Variants in SGK3 observed in about 807,000 individuals in gnomAD.
The protein encoded by SGK3 is serum/glucocorticoid regulated kinase family member 3.
SGK3 carries 47 observed loss-of-function variants against 68.5 expected under a neutral mutation model. The ratio of observed to expected loss-of-function variants is 0.69; its 90% CI spans 0.54 to 0.87. The LOEUF (loss-of-function observed/expected upper bound fraction) is 0.87. Ranked by LOEUF, SGK3 falls within the 40% of genes least tolerant of loss-of-function variation. The pLI is 0.00. For synonymous variants in SGK3, 181 were observed against 189.1 expected (o/e 0.96, Z 0.35); for missense variants, 479 against 575.5 (o/e 0.83, Z 1.72).
At chr8:66,750,235 A>G (rs1805773690) in intron 1 of SGK3, among the ~76,000 whole-genome samples, 1 of 152,104 alleles carries the variant, frequency 6.6e-6, no homozygotes, top group South Asian at 2.1e-4. Flanking sequence ...ACATATCTGG[A>G]AATGTTTTAC....
intron 1 of SGK3, among the ~76,000 whole-genome samples, chr8:66,750,727 G>C (rs1463792889): frequency 6.6e-6 from 1 of 151,332 alleles, no homozygotes; most frequent in Non-Finnish European, 1.5e-5. Flanking sequence ...ATGAGGTGCT[G>C]GGTGTGGTAG....
chr8:66,818,759 G>A (rs1216236397), intron 5 of SGK3, among the ~76,000 whole-genome samples: 1 of 152,194 alleles, frequency 6.6e-6, no homozygotes, highest in African/African-American at 2.4e-5. Context: ...CATTTCCATT[G>A]CTGTATAATG....
intron 1 of SGK3, among the ~76,000 whole-genome samples, chr8:66,747,268 A>G (rs1281088805): frequency 6.6e-6 from 1 of 152,100 alleles, no homozygotes; most frequent in South Asian, 2.1e-4. Context: ...TTATTCCCTA[A>G]CCTCATTTTA....
chr8:66,765,736 G>T (rs1039783793), intron 1 of SGK3, among the ~76,000 whole-genome samples: 1 of 151,810 alleles, frequency 6.6e-6, no homozygotes, highest in African/African-American at 2.4e-5. Context: ...AAAATATTTG[G>T]ATTTTGGCCA....
intron 1 of SGK3, among the ~76,000 whole-genome samples, chr8:66,744,519 ATTTTT>A (rs55684607): frequency 2.4e-4 from 5 of 21,266 alleles, no homozygotes; most frequent in African/African-American, 8.4e-4. Flanking sequence ...ATATATATAT[ATTTTT>A]TTTTTTTTTT....
intron 1 of SGK3, among the ~76,000 whole-genome samples, chr8:66,738,338 AC>A (rs1054200372): frequency 6.6e-6 from 1 of 152,048 alleles, no homozygotes; most frequent in African/African-American, 2.4e-5. Flanking sequence ...CTTAATTGTG[AC>A]ACCCCCCATT....
At chr8:66,738,828 C>T (rs181376186) in intron 1 of SGK3, among the ~76,000 whole-genome samples, 9 of 152,224 alleles carry the variant, frequency 5.9e-5, no homozygotes, top group African/African-American at 1.9e-4. Flanking sequence ...GACGGGGTTT[C>T]ACCATGTTAG....
At chr8:66,778,617 C>T (rs1435160428) in intron 1 of SGK3, among the ~76,000 whole-genome samples, 1 of 152,144 alleles carries the variant, frequency 6.6e-6, no homozygotes, top group East Asian at 1.9e-4. Flanking sequence ...TTTAAACAAA[C>T]ATGAACTTAA....
intron 4 of SGK3, among the ~76,000 whole-genome samples, chr8:66,811,316 C>A (rs192882064): frequency 6.6e-6 from 1 of 152,264 alleles, no homozygotes; most frequent in East Asian, 1.9e-4. Context: ...CTGCACCCAG[C>A]CTTTTTAAAA....
At chr8:66,763,955 A>G (rs536543094) in intron 1 of SGK3, among the ~76,000 whole-genome samples, 1 of 152,270 alleles carries the variant, frequency 6.6e-6, no homozygotes, top group Non-Finnish European at 1.5e-5. Flanking sequence ...CTGCGGCCTC[A>G]ACCATCAGGG....
rs1417405623 is a variant in SGK3 at position 66,717,043 on chromosome 8, A to AG, written c.-122+4210_-122+4211insG. Reference sequence around the variant, plus strand: ...AAACCCTGTCTCTACTAAAAAAAAAAAAAATACATAAATTAGCTGGGCATG... The same window carrying AG: ...AAACCCTGTCTCTACTAAAAAAAAAAGAAAATACATAAATTAGCTGGGCATG... On this transcript the variant is annotated intron_variant, in intron 1 of 16. Coordinates refer to ENST00000521198, the MANE Select transcript of SGK3 (RefSeq NM_001033578.3). Among the ~76,000 whole-genome samples, 117 of 151,978 alleles carry AG rather than the reference A, an allele frequency of 7.7e-4. 1 individual carries two copies. Among genetic ancestry groups the AG allele is most frequent in the Admixed American group, 4.0e-3 (61 of 15,260 alleles).
chr8:66,836,212 T>C (rs934464229), intron 10 of SGK3, 138 bp downstream of exon 10: 5 of 1,153,856 alleles, frequency 4.3e-6, no homozygotes, highest in Non-Finnish European at 6.0e-6. Context: ...ACTGGCTGAG[T>C]ACAGGATGTG....
rs576763764 is a variant in SGK3, at chr8:66,774,958, C to T, written c.-121-18658C>T. On this transcript the variant is annotated intron_variant, in intron 1 of 16. Coordinates refer to ENST00000521198, the MANE Select transcript of SGK3 (RefSeq NM_001033578.3). ...TCTCATTCCTTGCCCCCGCCCAAGG[C>T]TCTCTTCACCTTCCCCGCGGGGGTC... Among the ~76,000 whole-genome samples the T allele has an allele frequency of 2.3e-4, 35 of 152,356 alleles. 1 individual carries two copies. The highest frequency in any genetic ancestry group is 6.3e-4 in the African/African-American group (26 of 41,596).
intron 1 of SGK3, among the ~76,000 whole-genome samples, chr8:66,755,953 A>G (rs1805961183): frequency 1.3e-5 from 2 of 152,168 alleles, no homozygotes; most frequent in Non-Finnish European, 2.9e-5. Context: ...CCAAAGTGTG[A>G]TAGCCTGAAT....
chr8:66,837,618 A>G (rs1363992761), intron 10 of SGK3, among the ~76,000 whole-genome samples: 1 of 151,770 alleles, frequency 6.6e-6, no homozygotes, highest in African/African-American at 2.4e-5. Context: ...CCATCTCTAC[A>G]AAAAAAATAA....
At chr8:66,746,397 G>A (rs1472800639) in intron 1 of SGK3, among the ~76,000 whole-genome samples, 1 of 152,114 alleles carries the variant, frequency 6.6e-6, no homozygotes, top group Non-Finnish European at 1.5e-5. Flanking sequence ...CAACTGACCA[G>A]TTTCTCTGTC....
intron 2 of SGK3, 143 bp from the exon 3 acceptor site, chr8:66,798,399 G>A: frequency 1.7e-6 from 1 of 577,138 alleles, no homozygotes; most frequent in Non-Finnish European, 2.9e-6. Context: ...ATCAGTTTCG[G>A]AATATGAAAA....
chr8:66,831,370 A>G, intron 8 of SGK3, 59 bp downstream of exon 8: 2 of 1,587,578 alleles, frequency 1.3e-6, no homozygotes, highest in South Asian at 1.1e-5. Context: ...TTTTGGAGAC[A>G]GGGTCTCACT....
intron 1 of SGK3, among the ~76,000 whole-genome samples, chr8:66,788,728 G>T (rs1293836816): frequency 2.0e-5 from 3 of 152,160 alleles, no homozygotes; most frequent in Non-Finnish European, 4.4e-5. Context: ...CTTGAGGTGG[G>T]ATATCCTGGG....
Sources: allele counts gnomAD v4.1 joint callset (sites outside exome capture counted in the v4.1 genomes callset), GRCh38; gene constraint gnomAD v4.1.1; transcripts MANE v1.5; gene names NCBI Gene and HGNC (gene_info 2026-07-23, HGNC 2026-07-21).